POU2F1: variants seen among roughly 807,000 people sequenced by gnomAD.
POU2F1 encodes the protein POU domain, class 2, transcription factor 1.
In POU2F1, 16 loss-of-function variants were observed where a neutral mutation model predicts 84.9. The observed-to-expected ratio is 0.19, with a 90% CI of 0.13 to 0.29. The LOEUF (loss-of-function observed/expected upper bound fraction) is 0.29, where lower values mean the gene tolerates loss of function less well. POU2F1 is among the 10% of genes least tolerant of loss of function. POU2F1 has a pLI of 1.00. For missense variants in POU2F1, 738 were observed against 942.6 expected, an observed-to-expected ratio of 0.78 and a Z score of 2.84; for synonymous variants, 368 against 368.3, an observed-to-expected ratio of 1.00 and a Z score of 0.01.
At chr1:167,290,461 C>T (rs147905101) in intron 1 of POU2F1, among the ~76,000 whole-genome samples, 3 of 152,272 alleles carry the variant, frequency 2.0e-5, no homozygotes, top group African/African-American at 7.2e-5. Flanking sequence ...ATGATTATAC[C>T]CTTTTATCAA....
At chr1:167,257,623 G>A (rs566554138) in intron 1 of POU2F1, among the ~76,000 whole-genome samples, 1 of 152,312 alleles carries the variant, frequency 6.6e-6, no homozygotes, top group East Asian at 1.9e-4. Flanking sequence ...AACTGTAAGT[G>A]ATTGCATTGT....
At chr1:167,255,782 G>A (rs774397739) in intron 1 of POU2F1, among the ~76,000 whole-genome samples, 4 of 152,286 alleles carry the variant, frequency 2.6e-5, no homozygotes, top group African/African-American at 9.6e-5. Flanking sequence ...CAAGAAAGAC[G>A]AAGTAATTTC....
At chr1:167,274,322 T>C (rs999063242) in intron 1 of POU2F1, among the ~76,000 whole-genome samples, 4 of 152,184 alleles carry the variant, frequency 2.6e-5, no homozygotes, top group South Asian at 2.1e-4. Flanking sequence ...TTAATAGGCC[T>C]GAGTAGAGAA....
intron 1 of POU2F1, among the ~76,000 whole-genome samples, chr1:167,315,557 C>T (rs528076997): frequency 3.3e-5 from 5 of 152,188 alleles, no homozygotes; most frequent in South Asian, 2.1e-4. Context: ...GGAATGATGG[C>T]GCTTGACCAG....
intron 5 of POU2F1, among the ~76,000 whole-genome samples, chr1:167,372,644 T>C (rs1325323516): frequency 6.6e-6 from 1 of 152,244 alleles, no homozygotes; most frequent in Non-Finnish European, 1.5e-5. Context: ...GTGCTTGGCA[T>C]GTAGCATTCA....
Position 167,398,143 on chromosome 1 carries a change from G to T in POU2F1, c.1269+10G>T, listed in dbSNP as rs766653351. ...GAAGAGTTTCTTGGAGGTCAGTGAG[G>T]ATTTTACTTTTCTGTACATGGGATT... On this transcript the variant is annotated intron_variant, in intron 11 of 15. Transcript: ENST00000367866. 2 of 1,612,866 alleles carry T rather than the reference G, an allele frequency of 1.2e-6. No individual in the cohort carries two copies. Among genetic ancestry groups the T allele is most frequent in the Admixed American group, 1.7e-5 (1 of 59,758 alleles).
intron 1 of POU2F1, among the ~76,000 whole-genome samples, chr1:167,254,296 A>G (rs1571172898): frequency 6.6e-6 from 1 of 152,214 alleles, no homozygotes; most frequent in African/African-American, 2.4e-5. Flanking sequence ...GGTTCGATCA[A>G]TGTTACTAAT....
At chr1:167,291,896 TTTGTCTCTAGTAGCAAAATGAATTC>T (rs1653950709) in intron 1 of POU2F1, among the ~76,000 whole-genome samples, 1 of 152,168 alleles carries the variant, frequency 6.6e-6, no homozygotes, top group Non-Finnish European at 1.5e-5. Context: ...GGTGCTCTCT[TTTGTCTCTAGTAGCAAAATGAATTC>T]TGGCTACCAT....
At chr1:167,390,158 C>T (rs1362450804) in intron 9 of POU2F1, among the ~76,000 whole-genome samples, 2 of 152,206 alleles carry the variant, frequency 1.3e-5, no homozygotes, top group Non-Finnish European at 2.9e-5. Flanking sequence ...ATTTGCTTTA[C>T]ATGTCCAAAG....
At chr1:167,371,167 G>A (rs1384280029) in intron 4 of POU2F1, among the ~76,000 whole-genome samples, 1 of 152,144 alleles carries the variant, frequency 6.6e-6, no homozygotes, top group East Asian at 1.9e-4. Context: ...GGTTGCCATG[G>A]TAAACTTTCA....
intron 1 of POU2F1, among the ~76,000 whole-genome samples, chr1:167,287,226 A>G (rs995363676): frequency 6.6e-6 from 1 of 152,236 alleles, no homozygotes; most frequent in African/African-American, 2.4e-5. Context: ...AATTTAAACC[A>G]TAACTCTTTT....
intron 1 of POU2F1, among the ~76,000 whole-genome samples, chr1:167,301,053 A>T (rs142551113): frequency 6.6e-6 from 1 of 152,208 alleles, no homozygotes; most frequent in Non-Finnish European, 1.5e-5. Context: ...TATAGGTGTG[A>T]CCCACCGTGC....
chr1:167,411,428 C>G (rs1649960363), intron 13 of POU2F1, among the ~76,000 whole-genome samples: 1 of 151,476 alleles, frequency 6.6e-6, no homozygotes, highest in East Asian at 1.9e-4. Context: ...CCACAATGGA[C>G]TTTTTGAGAG....
intron 1 of POU2F1, among the ~76,000 whole-genome samples, chr1:167,273,477 C>T (rs1414844975): frequency 6.6e-6 from 1 of 152,222 alleles, no homozygotes; most frequent in East Asian, 1.9e-4. Context: ...TTCCATACAT[C>T]CTCTGAAATC....
intron 2 of POU2F1, among the ~76,000 whole-genome samples, chr1:167,338,988 G>A (rs1215836453): frequency 2.6e-5 from 4 of 152,140 alleles, no homozygotes; most frequent in African/African-American, 9.7e-5. Flanking sequence ...AGTTTGGGAG[G>A]TCAGAGTCCT....
At chr1:167,323,889 C>G (rs1176230341) in intron 1 of POU2F1, among the ~76,000 whole-genome samples, 1 of 152,084 alleles carries the variant, frequency 6.6e-6, no homozygotes, top group Non-Finnish European at 1.5e-5. Flanking sequence ...GATAGGGTTT[C>G]ACCATGTTGG....
intron 1 of POU2F1, among the ~76,000 whole-genome samples, chr1:167,258,860 T>C (rs1201209567): frequency 1.3e-5 from 2 of 152,236 alleles, no homozygotes; most frequent in African/African-American, 4.8e-5. Flanking sequence ...TTTTGCCTAA[T>C]TGGGGTCCAA....
At chr1:167,329,202 CCTTCTTT>C in intron 1 of POU2F1, 1 of 1,530,296 alleles carries the variant, frequency 6.5e-7, no homozygotes, top group Non-Finnish European at 8.8e-7. Flanking sequence ...AATAGTAGTA[CCTTCTTT>C]CCCCACCCCA....
At chr1:167,316,114 C>G (rs1243649924) in intron 1 of POU2F1, among the ~76,000 whole-genome samples, 2 of 152,098 alleles carry the variant, frequency 1.3e-5, no homozygotes, top group Non-Finnish European at 2.9e-5. Context: ...GGTAGCAGGA[C>G]GGAATTCTTT....
Sources: allele counts gnomAD v4.1 joint callset (sites outside exome capture counted in the v4.1 genomes callset), GRCh38; gene constraint gnomAD v4.1.1; transcripts MANE v1.5; gene names NCBI Gene and HGNC (gene_info 2026-07-23, HGNC 2026-07-21).